The following LUZP2 variants were observed in gnomAD, a reference collection of about 807,000 sequenced individuals.
LUZP2 encodes the protein leucine zipper protein 2.
In LUZP2, 52 loss-of-function variants were observed where a neutral mutation model predicts 51.6. That is an observed-to-expected ratio of 1.01 (90% CI 0.81 to 1.27). The LOEUF (loss-of-function observed/expected upper bound fraction) is 1.27. LUZP2 is among the 50% of genes most tolerant of loss of function. The pLI, the probability that LUZP2 is intolerant of heterozygous loss-of-function variation, is 0.00. For missense variants in LUZP2, 436 were observed against 395.4 expected (o/e 1.10, Z -0.87); for synonymous variants, 154 against 137.3 (o/e 1.12, Z -0.85).
At chr11:24,529,232 A>T (rs961817569) in intron 1 of LUZP2, among the ~76,000 whole-genome samples, 4 of 151,184 alleles carry the variant, frequency 2.6e-5, no homozygotes, top group Non-Finnish European at 5.9e-5. Flanking sequence ...ATACAAAAAA[A>T]ACCTGGCATA....
chr11:24,749,376 C>A (rs1339293155), intron 4 of LUZP2, among the ~76,000 whole-genome samples: 1 of 152,110 alleles, frequency 6.6e-6, no homozygotes, highest in Non-Finnish European at 1.5e-5. Context: ...GTTATACGCC[C>A]CTGTGATGGC....
intron 1 of LUZP2, among the ~76,000 whole-genome samples, chr11:24,706,912 G>A (rs938831249): frequency 2.7e-5 from 4 of 150,072 alleles, no homozygotes; most frequent in Admixed American, 6.7e-5. Context: ...TAAGTAAATC[G>A]ATTAAAGCAC....
chr11:24,977,675 A>T (rs879619023), intron 8 of LUZP2, among the ~76,000 whole-genome samples: 2 of 151,606 alleles, frequency 1.3e-5, no homozygotes, highest in Non-Finnish European at 3.0e-5. Flanking sequence ...ATATGTATGT[A>T]TACATACATT....
At chr11:24,813,807 C>T (rs551291868) in intron 5 of LUZP2, among the ~76,000 whole-genome samples, 1 of 152,122 alleles carries the variant, frequency 6.6e-6, no homozygotes, top group African/African-American at 2.4e-5. Flanking sequence ...TCTGAGATGC[C>T]CCTCCCTTCT....
chr11:24,942,282 G>T (rs1228806937), intron 7 of LUZP2, among the ~76,000 whole-genome samples: 1 of 152,080 alleles, frequency 6.6e-6, no homozygotes, highest in Non-Finnish European at 1.5e-5. Flanking sequence ...ATAAAAAATT[G>T]CCAATTATCC....
At chr11:24,502,527 G>A (rs1166119040) in intron 1 of LUZP2, among the ~76,000 whole-genome samples, 1 of 152,052 alleles carries the variant, frequency 6.6e-6, no homozygotes, top group Non-Finnish European at 1.5e-5. Flanking sequence ...GAGATTACAG[G>A]CGCCTGCCAC....
intron 9 of LUZP2, among the ~76,000 whole-genome samples, chr11:24,990,502 T>A (rs1482655790): frequency 6.6e-6 from 1 of 152,058 alleles, no homozygotes; most frequent in Non-Finnish European, 1.5e-5. Flanking sequence ...TTCAAATATT[T>A]ACTATTTGTA....
intron 1 of LUZP2, among the ~76,000 whole-genome samples, chr11:24,707,307 C>CATGT (rs369871902): frequency 4.1e-5 from 6 of 147,536 alleles, no homozygotes; most frequent in African/African-American, 1.5e-4. Flanking sequence ...TCTGTGTGTG[C>CATGT]GTGTGTGTGT....
chr11:24,852,654 T>G (rs915507156), intron 5 of LUZP2, among the ~76,000 whole-genome samples: 5 of 152,122 alleles, frequency 3.3e-5, no homozygotes, highest in African/African-American at 1.2e-4. Context: ...AAGTCCTGAG[T>G]ATCTTTGTTA....
intron 5 of LUZP2, among the ~76,000 whole-genome samples, chr11:24,809,955 T>C (rs1849969054): frequency 6.6e-6 from 1 of 152,216 alleles, no homozygotes; most frequent in Non-Finnish European, 1.5e-5. Flanking sequence ...ATAACTATCT[T>C]ATCATAATGC....
intron 1 of LUZP2, among the ~76,000 whole-genome samples, chr11:24,651,348 A>G (rs1270622118): frequency 6.6e-6 from 1 of 152,152 alleles, no homozygotes; most frequent in Non-Finnish European, 1.5e-5. Context: ...CCCAGCACAG[A>G]GATGAACATT....
intron 5 of LUZP2, among the ~76,000 whole-genome samples, chr11:24,793,717 C>G (rs771619080): frequency 3.4e-4 from 51 of 152,090 alleles, no homozygotes; most frequent in Non-Finnish European, 6.2e-4. Flanking sequence ...CAGTCAATGT[C>G]TTTGTCTGTA....
chr11:24,583,820 C>T (rs1166444811), intron 1 of LUZP2, among the ~76,000 whole-genome samples: 1 of 151,232 alleles, frequency 6.6e-6, no homozygotes, highest in African/African-American at 2.4e-5. Flanking sequence ...TCTCCTTCCT[C>T]ATCCTCCCGA....
intron 1 of LUZP2, among the ~76,000 whole-genome samples, chr11:24,659,336 C>T (rs1272777500): frequency 6.6e-6 from 1 of 152,080 alleles, no homozygotes; most frequent in Non-Finnish European, 1.5e-5. Flanking sequence ...AAAGCAAACA[C>T]CGCATATTCT....
chr11:24,637,549 T>G (rs745933313), intron 1 of LUZP2, among the ~76,000 whole-genome samples: 1 of 151,834 alleles, frequency 6.6e-6, no homozygotes, highest in East Asian at 1.9e-4. Flanking sequence ...AGGAGAGATA[T>G]TGCTGAATTC....
intron 10 of LUZP2, among the ~76,000 whole-genome samples, chr11:25,051,000 C>T (rs142125102): frequency 6.6e-6 from 1 of 152,206 alleles, no homozygotes; most frequent in East Asian, 1.9e-4. Flanking sequence ...GATTTGAGAA[C>T]AGCAAATGAC....
In LUZP2 at chr11:24,520,460, T is replaced by C. The variant is rs1022120791; in HGVS notation, c.62+23155T>C. Among the ~76,000 whole-genome samples, 5 of 152,206 alleles carry C rather than the reference T, an allele frequency of 3.3e-5. No homozygotes were observed. In the South Asian group the frequency reaches 6.2e-4, roughly 19 times the overall value. On this transcript the variant is annotated intron_variant, in intron 1 of 11. Coordinates refer to ENST00000336930, the MANE Select transcript of LUZP2 (RefSeq NM_001009909.4). ...TTTTTCTGTCTGGAGAAAGCACACA[T>C]ATAATGAAAAGGTTGTATAATTATT...
chr11:24,871,338 A>G (rs1852064697), intron 5 of LUZP2, among the ~76,000 whole-genome samples: 1 of 152,108 alleles, frequency 6.6e-6, no homozygotes, highest in South Asian at 2.1e-4. Context: ...ACCTTAAACC[A>G]CTAACATAGT....
chr11:24,832,886 C>G (rs1850742120), intron 5 of LUZP2, among the ~76,000 whole-genome samples: 1 of 150,650 alleles, frequency 6.6e-6, no homozygotes, highest in Non-Finnish European at 1.5e-5. Context: ...TACTTTTTTA[C>G]TTTAGTCCCC....
Sources: allele counts gnomAD v4.1 joint callset (sites outside exome capture counted in the v4.1 genomes callset), GRCh38; gene constraint gnomAD v4.1.1; transcripts MANE v1.5; gene names NCBI Gene and HGNC (gene_info 2026-07-23, HGNC 2026-07-21).